The following EYS variants were observed in gnomAD, a reference collection of about 807,000 sequenced individuals.
EYS encodes EGF-like photoreceptor maintenance factor, also known as protein eyes shut homolog.
EYS carries 250 observed loss-of-function variants against 282.1 expected under a neutral mutation model. That is an observed-to-expected ratio of 0.89 (90% confidence interval 0.80 to 0.98). The LOEUF is 0.98. Among genes scored for constraint, EYS ranks in the 50% least tolerant of loss-of-function variants. The probability of loss-of-function intolerance (pLI) is 0.00; values close to 1 mark genes in which losing one functional copy is unlikely to be tolerated. For synonymous variants in EYS, 1,355 were observed against 1,282.9 expected (o/e 1.06, Z -1.20); for missense variants, 4,016 against 3,709.0 (o/e 1.08, Z -2.15).
chr6:65,279,289 G>C (rs1482403936), intron 12 of EYS, among the ~76,000 whole-genome samples: 1 of 151,730 alleles, frequency 6.6e-6, no homozygotes, highest in South Asian at 2.1e-4. Flanking sequence ...CTTTCTCCCT[G>C]ACTTTCTCAT....
chr6:64,079,092 T>C (rs1002425190), intron 32 of EYS, among the ~76,000 whole-genome samples: 1 of 152,148 alleles, frequency 6.6e-6, no homozygotes. Context: ...ATTATGTTTG[T>C]GTCTTTTGTT....
intron 2 of EYS, among the ~76,000 whole-genome samples, chr6:65,610,996 A>G (rs938303570): frequency 2.0e-5 from 3 of 152,000 alleles, no homozygotes; most frequent in Non-Finnish European, 2.9e-5. Flanking sequence ...ATTATCTTTC[A>G]GGCAATGTAC....
intron 12 of EYS, among the ~76,000 whole-genome samples, chr6:65,077,573 C>G (rs1489630117): frequency 3.9e-5 from 6 of 152,088 alleles, no homozygotes; most frequent in Non-Finnish European, 8.8e-5. Context: ...ATTACAACTT[C>G]TTAACTTTCA....
chr6:64,488,344 T>C (rs1776636993), intron 26 of EYS, among the ~76,000 whole-genome samples: 2 of 150,920 alleles, frequency 1.3e-5, no homozygotes, highest in African/African-American at 2.4e-5. Context: ...AATCATACAA[T>C]TGCATGCTCA....
chr6:64,285,883 C>T (rs1215626125), intron 30 of EYS, among the ~76,000 whole-genome samples: 1 of 152,086 alleles, frequency 6.6e-6, no homozygotes, highest in Non-Finnish European at 1.5e-5. Context: ...AAATTATCTC[C>T]CACTGGGTCC....
At chr6:63,959,128 G>T (rs956057195) in intron 35 of EYS, among the ~76,000 whole-genome samples, 2 of 152,058 alleles carry the variant, frequency 1.3e-5, no homozygotes, top group Non-Finnish European at 2.9e-5. Context: ...TCTGACAAAG[G>T]TATAATATCC....
chr6:65,533,778 C>T (rs1413802117), intron 2 of EYS, among the ~76,000 whole-genome samples: 1 of 152,096 alleles, frequency 6.6e-6, no homozygotes, highest in Non-Finnish European at 1.5e-5. Flanking sequence ...AATTTCTCAG[C>T]CTCTAGAACT....
rs948420675 is a variant in EYS at position 64,324,643 on chromosome 6, T to C, written c.6079-17561A>G. Among the ~76,000 whole-genome samples, 7 of 152,094 alleles carry C rather than the reference T, an allele frequency of 4.6e-5. No homozygotes were observed. In the East Asian group the frequency reaches 1.3e-3, roughly 29 times the overall value. On this transcript the variant is annotated intron_variant, in intron 29 of 42. Transcript: ENST00000503581. ...CAGTAATCAGGCAACAGAAATAAAT[T>C]AAATGCATCCAAAATAGGAAAATAA...
chr6:65,472,886 T>C (rs1412005020), intron 5 of EYS, among the ~76,000 whole-genome samples: 6 of 151,990 alleles, frequency 3.9e-5, no homozygotes, highest in Non-Finnish European at 7.4e-5. Context: ...ATGCTCTTAT[T>C]TGGTATATCC....
At chr6:65,110,752 A>G (rs6931057) in intron 12 of EYS, among the ~76,000 whole-genome samples, 39,509 of 151,954 alleles carry the variant, frequency 0.26, 6,288 homozygotes, top group African/African-American at 0.44. Flanking sequence ...TGGATGTAGC[A>G]TTGTGTCAAG....
rs1562254227 is a variant in EYS at position 65,550,143 on chromosome 6, C to CTTTCTT, written c.-332-54151_-332-54150insAAGAAA. Among the ~76,000 whole-genome samples, 57 of 5,940 alleles carry CTTTCTT rather than the reference C, an allele frequency of 9.6e-3. 8 individuals carry two copies. The highest frequency in any genetic ancestry group is 0.12 in the Middle Eastern group (1 of 8). The allele number at this position is 5,940 out of a possible 152,430, so 3.9% of individuals were successfully genotyped here. ...AAGTTAGTATCTGACTCTACTATAT[C>CTTTCTT]TTTTTTTTTTTTTTTTTTTTTTTTT... On this transcript the variant is annotated intron_variant, in intron 2 of 42. Coordinates refer to ENST00000503581, the MANE Select transcript of EYS (RefSeq NM_001142800.2).
chr6:64,656,049 T>A (rs568741581), intron 22 of EYS, among the ~76,000 whole-genome samples: 1 of 152,332 alleles, frequency 6.6e-6, no homozygotes, highest in South Asian at 2.1e-4. Context: ...CTATTTTCTC[T>A]ATTTTATGAA....
intron 12 of EYS, among the ~76,000 whole-genome samples, chr6:65,086,396 G>A (rs933383618): frequency 3.3e-5 from 5 of 152,190 alleles, no homozygotes; most frequent in African/African-American, 1.2e-4. Context: ...TCTAAGCTAT[G>A]CTACTGCTGC....
chr6:64,149,579 G>A (rs879058146), intron 31 of EYS, among the ~76,000 whole-genome samples: 1 of 152,050 alleles, frequency 6.6e-6, no homozygotes, highest in East Asian at 1.9e-4. Context: ...ATTTATTTAG[G>A]GACTAACACG....
At chr6:64,044,703 G>A (rs1345382150) in intron 33 of EYS, among the ~76,000 whole-genome samples, 2 of 151,940 alleles carry the variant, frequency 1.3e-5, no homozygotes, top group African/African-American at 4.8e-5. Flanking sequence ...CTTTTTTACT[G>A]TTGCTTATAG....
intron 41 of EYS, among the ~76,000 whole-genome samples, chr6:63,728,115 T>G (rs971895834): frequency 1.3e-5 from 2 of 152,118 alleles, no homozygotes; most frequent in African/African-American, 4.8e-5. Flanking sequence ...AATTAATACA[T>G]GTTTATTATA....
chr6:64,661,452 C>T (rs1383743335), intron 22 of EYS, among the ~76,000 whole-genome samples: 3 of 152,080 alleles, frequency 2.0e-5, no homozygotes, highest in African/African-American at 7.2e-5. Flanking sequence ...GAACAGGAAA[C>T]CTACAGAATG....
At chr6:63,904,653 G>A (rs1773733506) in intron 35 of EYS, among the ~76,000 whole-genome samples, 1 of 152,256 alleles carries the variant, frequency 6.6e-6, no homozygotes. Context: ...GCAGTTCTTG[G>A]GGAAGGAACT....
chr6:64,449,902 A>C (rs1310141603), intron 26 of EYS, among the ~76,000 whole-genome samples: 3 of 152,200 alleles, frequency 2.0e-5, no homozygotes, highest in Non-Finnish European at 4.4e-5. Context: ...CTGCAGAAAC[A>C]TGCCAAATTG....
Sources: gnomAD v4.1 joint callset for allele counts (sites outside exome capture counted in the v4.1 genomes callset) on GRCh38, gnomAD v4.1.1 for gene constraint, MANE v1.5 for transcripts, NCBI Gene and HGNC (gene_info 2026-07-23, HGNC 2026-07-21) for gene names.